The following PRMT3 variants were observed in gnomAD, a reference collection of about 807,000 sequenced individuals.
The protein encoded by PRMT3 is protein arginine methyltransferase 3.
PRMT3 carries 62 observed loss-of-function variants against 71.9 expected under a neutral mutation model. That is an observed-to-expected ratio of 0.86 (90% confidence interval 0.70 to 1.07). The LOEUF (loss-of-function observed/expected upper bound fraction) is 1.07. Ranked by LOEUF, PRMT3 falls within the 50% of genes least tolerant of loss-of-function variation. The pLI, the probability that PRMT3 is intolerant of heterozygous loss-of-function variation, is 0.00. For missense variants in PRMT3, 663 were observed against 643.0 expected, an observed-to-expected ratio of 1.03 and a Z score of -0.34; for synonymous variants, 213 against 220.4, an observed-to-expected ratio of 0.97 and a Z score of 0.30.
In PRMT3 at chr11:20,485,905, C is replaced by T. The variant is rs376868123; in HGVS notation, c.1348-8014C>T. ...TCTAAGAGAAGTGAAAACATGTCCA[C>T]GCAAATGTTTATAGCAGCATTATTC... On this transcript the variant is annotated intron_variant, in intron 13 of 15. Transcript: ENST00000331079. Among the ~76,000 whole-genome samples the T allele has an allele frequency of 4.6e-5, 7 of 152,226 alleles. No homozygotes were observed. In the East Asian group the frequency reaches 5.8e-4, roughly 13 times the overall value.
chr11:20,439,795 G>A (rs547719548), intron 10 of PRMT3, among the ~76,000 whole-genome samples: 2 of 152,240 alleles, frequency 1.3e-5, no homozygotes, highest in East Asian at 3.9e-4. Context: ...AGCTTTTTAG[G>A]TAAATGAAAA....
chr11:20,419,655 T>C (rs1167255645), intron 9 of PRMT3, among the ~76,000 whole-genome samples: 1 of 152,188 alleles, frequency 6.6e-6, no homozygotes, highest in East Asian at 1.9e-4. Context: ...TAGTATGAAG[T>C]GGTGGTCCAG....
chr11:20,447,482 A>G (rs549911325), intron 10 of PRMT3, among the ~76,000 whole-genome samples: 1 of 152,184 alleles, frequency 6.6e-6, no homozygotes, highest in African/African-American at 2.4e-5. Flanking sequence ...CTTTAGAATG[A>G]TTGTTTCTAT....
At chr11:20,388,984 GT>G (rs1848655367) in intron 2 of PRMT3, among the ~76,000 whole-genome samples, 1 of 152,188 alleles carries the variant, frequency 6.6e-6, no homozygotes, top group Non-Finnish European at 1.5e-5. Context: ...GCCCCATTGG[GT>G]AGATAGAATG....
At chr11:20,402,212 C>T (rs149138113) in intron 7 of PRMT3, among the ~76,000 whole-genome samples, 8 of 151,930 alleles carry the variant, frequency 5.3e-5, no homozygotes, top group East Asian at 1.9e-4. Flanking sequence ...CTCCGCCTCC[C>T]GGGTTCAAGA....
intron 9 of PRMT3, among the ~76,000 whole-genome samples, chr11:20,413,878 C>T (rs963851556): frequency 2.0e-5 from 3 of 152,088 alleles, no homozygotes; most frequent in African/African-American, 7.2e-5. Flanking sequence ...GGTTAACAGG[C>T]TCTAAGTTGT....
At position 20,509,220 on chromosome 11, in the gene PRMT3, C is replaced by T. The variant is rs1851669226; in HGVS notation, c.*807C>T. 1 of 152,026 alleles carries T rather than the reference C, an allele frequency of 6.6e-6. No homozygotes were observed. Among genetic ancestry groups the T allele is most frequent in the Non-Finnish European group, 1.5e-5 (1 of 68,018 alleles). The allele number at this position is 152,026 out of a possible 1,614,324, so 9.4% of individuals were successfully genotyped here. A position where few individuals can be genotyped will look rare whatever the true frequency, so the allele number is the denominator to read the frequency against. ...AAGCAGTCTATAAAGTTGTCATTTA[C>T]AATTACTGATTCAATTTGAAATGTA... On this transcript the variant is annotated 3_prime_UTR_variant, in exon 16 of 16. Transcript: ENST00000331079.
intron 9 of PRMT3, among the ~76,000 whole-genome samples, chr11:20,425,225 G>A (rs1294509332): frequency 6.6e-6 from 1 of 152,158 alleles, no homozygotes; most frequent in Non-Finnish European, 1.5e-5. Flanking sequence ...TTGATCATTA[G>A]GAAAATGCAG....
chr11:20,439,433 C>T (rs1231264644), intron 10 of PRMT3, among the ~76,000 whole-genome samples: 1 of 152,146 alleles, frequency 6.6e-6, no homozygotes, highest in Non-Finnish European at 1.5e-5. Flanking sequence ...TTCTGTTACT[C>T]CACTGATGTC....
chr11:20,484,811 C>G (rs1851032603), intron 13 of PRMT3, among the ~76,000 whole-genome samples: 1 of 152,150 alleles, frequency 6.6e-6, no homozygotes, highest in Admixed American at 6.6e-5. Context: ...TGGAGAAACC[C>G]TTTTGCCGAA....
intron 9 of PRMT3, among the ~76,000 whole-genome samples, chr11:20,414,554 T>C (rs1247623589): frequency 2.6e-5 from 4 of 152,188 alleles, no homozygotes; most frequent in Non-Finnish European, 5.9e-5. Flanking sequence ...AGTTGTATAC[T>C]GTGTTTATTA....
At chr11:20,395,533 A>G (rs1165789460) in intron 5 of PRMT3, among the ~76,000 whole-genome samples, 3 of 148,370 alleles carry the variant, frequency 2.0e-5, no homozygotes, top group Non-Finnish European at 4.5e-5. Flanking sequence ...TTTTTTTTTT[A>G]GTAGAGATAA....
intron 13 of PRMT3, among the ~76,000 whole-genome samples, chr11:20,493,159 C>T (rs965349069): frequency 1.3e-5 from 2 of 151,716 alleles, no homozygotes; most frequent in African/African-American, 4.8e-5. Context: ...TTTGTACTAT[C>T]ACAATAACCC....
intron 9 of PRMT3, 62 bp downstream of exon 9, chr11:20,408,094 T>A (rs936262316): frequency 4.7e-5 from 59 of 1,255,584 alleles, no homozygotes; most frequent in Middle Eastern, 2.5e-4. Flanking sequence ...TTTAATAGAT[T>A]TTCTTGTCTT....
At chr11:20,437,993 C>T (rs1387356057) in intron 10 of PRMT3, among the ~76,000 whole-genome samples, 1 of 152,160 alleles carries the variant, frequency 6.6e-6, no homozygotes, top group African/African-American at 2.4e-5. Flanking sequence ...GCTGTTAGGT[C>T]TGACATGGTC....
chr11:20,388,278 T>C, intron 2 of PRMT3, 124 bp downstream of exon 2: 1 of 1,378,328 alleles, frequency 7.3e-7, no homozygotes, highest in African/African-American at 1.4e-5. Context: ...CTGGAACCAC[T>C]GGTCTGGGGT....
At chr11:20,426,527 T>C (rs1053244494) in intron 9 of PRMT3, among the ~76,000 whole-genome samples, 1 of 152,230 alleles carries the variant, frequency 6.6e-6, no homozygotes, top group Admixed American at 6.5e-5. Flanking sequence ...AAAATTTGGA[T>C]TTCTTTTCAA....
chr11:20,468,389 CAG>C (rs1306374285), intron 13 of PRMT3, among the ~76,000 whole-genome samples: 2 of 152,050 alleles, frequency 1.3e-5, no homozygotes, highest in Non-Finnish European at 2.9e-5. Context: ...TGTTTTGAGA[CAG>C]GGTCTCACTC....
At chr11:20,439,868 A>G (rs1012031657) in intron 10 of PRMT3, among the ~76,000 whole-genome samples, 1 of 152,194 alleles carries the variant, frequency 6.6e-6, no homozygotes, top group Non-Finnish European at 1.5e-5. Context: ...TGTGTACTAG[A>G]TATCAAGCTA....
Sources: allele counts gnomAD v4.1 joint callset (sites outside exome capture counted in the v4.1 genomes callset), GRCh38; gene constraint gnomAD v4.1.1; transcripts MANE v1.5; gene names NCBI Gene and HGNC (gene_info 2026-07-23, HGNC 2026-07-21).